Variants in DMD observed in about 807,000 individuals in gnomAD.
The protein encoded by DMD is mutant dystrophin.
DMD carries 63 observed loss-of-function variants against 330.1 expected under a neutral mutation model. The observed-to-expected ratio is 0.19, with a 90% confidence interval of 0.16 to 0.24. The LOEUF (loss-of-function observed/expected upper bound fraction) is 0.24. DMD is among the 10% of genes least tolerant of loss of function. DMD has a pLI of 1.00. For synonymous variants in DMD, 1,223 were observed against 959.8 expected (o/e 1.27, Z -5.07); for missense variants, 3,344 against 2,684.1 (o/e 1.25, Z -5.43).
chrX:32,614,799 G>A, intron 11 of DMD, among the ~76,000 whole-genome samples: 1 of 110,747 alleles, frequency 9.0e-6, no homozygotes, highest in Non-Finnish European at 1.9e-5. Flanking sequence ...GTTAAAGATG[G>A]CCACAAATTC....
At chrX:33,216,911 C>T (rs918118423) in intron 1 of DMD, among the ~76,000 whole-genome samples, 1 of 111,083 alleles carries the variant, frequency 9.0e-6, no homozygotes, top group African/African-American at 3.3e-5. Flanking sequence ...ATTGGAAACC[C>T]TAAAGGCATT....
chrX:32,979,523 A>G (rs2092645760), intron 2 of DMD, among the ~76,000 whole-genome samples: 1 of 111,443 alleles, frequency 9.0e-6, no homozygotes, highest in Non-Finnish European at 1.9e-5. Flanking sequence ...GAGGAATAAA[A>G]TTATAATCAA....
chrX:32,304,155 A>C (rs73619053), intron 42 of DMD, among the ~76,000 whole-genome samples: 277 of 111,457 alleles, frequency 2.5e-3, no homozygotes, highest in African/African-American at 8.7e-3. Flanking sequence ...ACGACATTAT[A>C]ACTGGTCGAA....
intron 16 of DMD, among the ~76,000 whole-genome samples, chrX:32,553,453 A>G: frequency 1.0e-5 from 1 of 96,234 alleles, no homozygotes; most frequent in Non-Finnish European, 1.9e-5. Flanking sequence ...AAAACTACTT[A>G]TTGGGTACTA....
intron 9 of DMD, among the ~76,000 whole-genome samples, chrX:32,684,819 A>G (rs974716977): frequency 1.8e-5 from 2 of 110,860 alleles, no homozygotes; most frequent in African/African-American, 6.5e-5. Flanking sequence ...AGTTTTACTT[A>G]TTGATTTATC....
chrX:33,314,223 T>A (rs2053893321), intron 1 of DMD, among the ~76,000 whole-genome samples: 1 of 110,614 alleles, frequency 9.0e-6, no homozygotes, highest in Non-Finnish European at 1.9e-5. Flanking sequence ...TAAATTACCA[T>A]GAACTTAGTG....
chrX:33,030,069 T>G (rs1172288658), intron 1 of DMD, among the ~76,000 whole-genome samples: 1 of 111,532 alleles, frequency 9.0e-6, no homozygotes, highest in Non-Finnish European at 1.9e-5. Context: ...CCTCTATTTG[T>G]TTCATGGTAA....
intron 41 of DMD, among the ~76,000 whole-genome samples, chrX:32,337,128 C>T (rs183498216): frequency 6.3e-5 from 7 of 111,338 alleles, no homozygotes; most frequent in Admixed American, 2.9e-4. Context: ...TAGATTAGCA[C>T]TTCCATAACA....
chrX:32,549,548 G>C (rs1357710722), intron 16 of DMD, among the ~76,000 whole-genome samples: 1 of 111,923 alleles, frequency 8.9e-6, no homozygotes, highest in Non-Finnish European at 1.9e-5. Flanking sequence ...GCTCTATAAT[G>C]GTAAATATCA....
intron 1 of DMD, among the ~76,000 whole-genome samples, chrX:33,178,408 C>A (rs946872203): frequency 8.9e-6 from 1 of 111,830 alleles, no homozygotes. Flanking sequence ...CCAGCTGGAG[C>A]TCACTCATGT....
At chrX:31,226,336 TTTA>T (rs980897849) in intron 63 of DMD, among the ~76,000 whole-genome samples, 2 of 112,478 alleles carry the variant, frequency 1.8e-5, no homozygotes, top group African/African-American at 6.5e-5. Context: ...TTTGTGGGCT[TTTA>T]TTAATAGATT....
intron 55 of DMD, among the ~76,000 whole-genome samples, chrX:31,593,957 C>T (rs1056979868): frequency 9.0e-6 from 1 of 111,247 alleles, no homozygotes; most frequent in Non-Finnish European, 1.9e-5. Context: ...TAATTAAAAG[C>T]TCTTCCACCA....
In DMD at chrX:31,526,823, A is replaced by G. The variant is rs757775629; in HGVS notation, c.8218-19370T>C. Among the ~76,000 whole-genome samples, 37 of 112,368 alleles carry G rather than the reference A, an allele frequency of 3.3e-4. 1 individual carries two copies. The South Asian group carries it at 0.013, about 38-fold the overall frequency. ...TCTGGGAGATTTTTATATTTTAAAA[A>G]GAGGGGCTGGGCATGGTGGCTCACA... On this transcript the variant is annotated intron_variant, in intron 55 of 78. Transcript: ENST00000357033.
intron 64 of DMD, among the ~76,000 whole-genome samples, chrX:31,212,160 A>ATGTG (rs1165417330): frequency 1.1e-5 from 1 of 87,281 alleles, no homozygotes; most frequent in African/African-American, 4.3e-5. Flanking sequence ...ATATATATAT[A>ATGTG]TATATATGTG....
chrX:32,326,230 C>A (rs2097649919), intron 41 of DMD, among the ~76,000 whole-genome samples: 1 of 111,791 alleles, frequency 8.9e-6, no homozygotes, highest in African/African-American at 3.3e-5. Flanking sequence ...GCATTCTATT[C>A]TTCTTTGAAA....
intron 50 of DMD, among the ~76,000 whole-genome samples, chrX:31,810,694 C>A (rs2092434628): frequency 8.9e-6 from 1 of 112,119 alleles, no homozygotes; most frequent in African/African-American, 3.2e-5. Context: ...AATTTCCTTT[C>A]GAAATCTTGT....
intron 7 of DMD, among the ~76,000 whole-genome samples, chrX:32,766,531 T>C (rs775960135): frequency 9.0e-6 from 1 of 111,457 alleles, no homozygotes; most frequent in Non-Finnish European, 1.9e-5. Flanking sequence ...ATAACTTATT[T>C]CTGTATATTG....
intron 29 of DMD, among the ~76,000 whole-genome samples, chrX:32,433,740 G>A (rs767774275): frequency 2.7e-5 from 3 of 111,789 alleles, no homozygotes; most frequent in African/African-American, 6.5e-5. Context: ...AGAACTAAAT[G>A]AGAAAATGCA....
At chrX:31,732,718 C>T (rs2086597800) in intron 51 of DMD, among the ~76,000 whole-genome samples, 2 of 110,998 alleles carry the variant, frequency 1.8e-5, no homozygotes, top group Admixed American at 1.9e-4. Context: ...TCTCTGCCCC[C>T]AATCTGCTAC....
Sources: allele counts gnomAD v4.1 joint callset (sites outside exome capture counted in the v4.1 genomes callset), GRCh38; gene constraint gnomAD v4.1.1; transcripts MANE v1.5; gene names NCBI Gene and HGNC (gene_info 2026-07-23, HGNC 2026-07-21).